KCNT2: variants seen among roughly 807,000 people sequenced by gnomAD.
KCNT2 encodes the protein potassium sodium-activated channel subfamily T member 2.
In KCNT2, 67 loss-of-function variants were observed where a neutral mutation model predicts 153.8. The observed-to-expected ratio is 0.44, with a 90% CI of 0.36 to 0.53. The LOEUF (loss-of-function observed/expected upper bound fraction) is 0.53, where lower values mean the gene tolerates loss of function less well. Ranked by LOEUF, KCNT2 falls within the 20% of genes least tolerant of loss-of-function variation. KCNT2 has a pLI of 0.00. For synonymous variants in KCNT2, 500 were observed against 458.8 expected (o/e 1.09, Z -1.15); for missense variants, 975 against 1,354.8 (o/e 0.72, Z 4.40).
intron 1 of KCNT2, among the ~76,000 whole-genome samples, chr1:196,542,222 G>A (rs1048103776): frequency 6.6e-6 from 1 of 152,080 alleles, no homozygotes; most frequent in African/African-American, 2.4e-5. Context: ...TTTCTAAAAT[G>A]AGCTTTTGTC....
In KCNT2 at chr1:196,320,976, CT is replaced by C. The variant is rs1036437372; in HGVS notation, c.2277-1422del. 1.2e-3 allele frequency among the ~76,000 whole-genome samples: 167 copies of C among 135,644 alleles called. 1 individual carries two copies. The highest frequency in any genetic ancestry group is 1.9e-3 in the Admixed American group (26 of 13,592). 89.0% of individuals were successfully genotyped at this position (135,644 alleles called of 152,430 possible). A position where few individuals can be genotyped will look rare whatever the true frequency, so the allele number is the denominator to read the frequency against. ...TCACATCTTCCGAAGACCTTATTTT[CT>C]TTTTTTTTTTTAAGCATTGATTTTT... is the stretch of plus-strand genomic sequence containing the variant. On this transcript the variant is annotated intron_variant, in intron 19 of 27. Transcript: ENST00000294725.
At chr1:196,248,685 C>T (rs1425702333) in intron 26 of KCNT2, among the ~76,000 whole-genome samples, 1 of 152,044 alleles carries the variant, frequency 6.6e-6, no homozygotes, top group African/African-American at 2.4e-5. Flanking sequence ...AGCCTCAGAC[C>T]CTTATGGCTA....
At chr1:196,307,065 CT>C (rs929108682) in intron 21 of KCNT2, among the ~76,000 whole-genome samples, 1 of 151,884 alleles carries the variant, frequency 6.6e-6, no homozygotes, top group Non-Finnish European at 1.5e-5. Flanking sequence ...CTTTTGCTGA[CT>C]TTTAATGTTA....
intron 1 of KCNT2, among the ~76,000 whole-genome samples, chr1:196,566,393 G>C (rs1660119203): frequency 6.6e-6 from 1 of 152,034 alleles, no homozygotes; most frequent in South Asian, 2.1e-4. Flanking sequence ...TGTCTTTTCA[G>C]TCATGAAGAA....
chr1:196,246,283 T>C (rs1415198490), intron 26 of KCNT2, among the ~76,000 whole-genome samples: 1 of 152,166 alleles, frequency 6.6e-6, no homozygotes, highest in Non-Finnish European at 1.5e-5. Flanking sequence ...ATTGAAAATA[T>C]TCTTTAAACA....
intron 1 of KCNT2, among the ~76,000 whole-genome samples, chr1:196,545,119 T>C (rs1423836604): frequency 1.3e-5 from 2 of 152,112 alleles, no homozygotes; most frequent in Non-Finnish European, 2.9e-5. Flanking sequence ...AATATATTTA[T>C]AGTTTCTTCA....
chr1:196,226,996 T>C lies in KCNT2; in HGVS notation c.*1228A>G, dbSNP rs777679714. 1.5e-4 allele frequency: 23 copies of C among 151,942 alleles called. No homozygotes were observed. Among genetic ancestry groups the C allele is most frequent in the Non-Finnish European group, 2.7e-4 (18 of 67,840 alleles). 9.4% of individuals were successfully genotyped at this position (151,942 alleles called of 1,614,324 possible). On this transcript the variant is annotated 3_prime_UTR_variant, in exon 28 of 28. Transcript: ENST00000294725. ...CTATTTCTCTAGGGGGAAAATGCAA[T>C]ACAGGTAAAAAATGAAAAACTGGAT...
At chr1:196,584,440 T>C (rs902335476) in intron 1 of KCNT2, among the ~76,000 whole-genome samples, 1 of 152,038 alleles carries the variant, frequency 6.6e-6, no homozygotes, top group Non-Finnish European at 1.5e-5. Flanking sequence ...TTGTTTCCTA[T>C]TCAAATTAAC....
At chr1:196,245,258 A>C (rs576356882) in intron 26 of KCNT2, among the ~76,000 whole-genome samples, 22 of 152,138 alleles carry the variant, frequency 1.4e-4, no homozygotes, top group African/African-American at 5.1e-4. Context: ...TGGGAAGCCG[A>C]GGTGGGAGGA....
intron 13 of KCNT2, among the ~76,000 whole-genome samples, chr1:196,387,784 T>G (rs1245129367): frequency 6.6e-6 from 1 of 151,948 alleles, no homozygotes; most frequent in Non-Finnish European, 1.5e-5. Context: ...AAAATTGAAT[T>G]GTAGGAGTTC....
At chr1:196,277,690 A>C (rs1658699702) in intron 25 of KCNT2, among the ~76,000 whole-genome samples, 1 of 152,160 alleles carries the variant, frequency 6.6e-6, no homozygotes, top group Non-Finnish European at 1.5e-5. Context: ...CTTTAAGTTC[A>C]AGTAAGAGAA....
intron 1 of KCNT2, among the ~76,000 whole-genome samples, chr1:196,527,100 G>A (rs1654329382): frequency 3.3e-5 from 5 of 152,132 alleles, no homozygotes; most frequent in Admixed American, 2.0e-4. Flanking sequence ...ACAGTTTCAT[G>A]CCAAAACTGT....
chr1:196,315,497 C>G (rs1404333067), intron 21 of KCNT2, among the ~76,000 whole-genome samples: 1 of 151,652 alleles, frequency 6.6e-6, no homozygotes, highest in African/African-American at 2.4e-5. Flanking sequence ...CTTACCTGTT[C>G]ACAGCTGTGC....
chr1:196,496,241 G>A (rs1052537222), intron 1 of KCNT2, among the ~76,000 whole-genome samples: 4 of 151,946 alleles, frequency 2.6e-5, no homozygotes, highest in East Asian at 1.9e-4. Context: ...AGGCCGAGGC[G>A]GGTGGATCAC....
intron 22 of KCNT2, among the ~76,000 whole-genome samples, chr1:196,292,269 T>C (rs1374654995): frequency 6.6e-6 from 1 of 152,132 alleles, no homozygotes; most frequent in Non-Finnish European, 1.5e-5. Flanking sequence ...AAATTCAACA[T>C]CCTTTTATGA....
At chr1:196,486,209 G>A (rs1376836695) in intron 3 of KCNT2, among the ~76,000 whole-genome samples, 2 of 151,856 alleles carry the variant, frequency 1.3e-5, no homozygotes, top group African/African-American at 4.8e-5. Flanking sequence ...TATTCTAGGT[G>A]TTGTGATCTC....
chr1:196,544,193 A>G (rs4658039), intron 1 of KCNT2, among the ~76,000 whole-genome samples: 63,389 of 151,958 alleles, frequency 0.42, 15,642 homozygotes, highest in Middle Eastern at 0.65. Flanking sequence ...TAAAATCACA[A>G]GAAAACTTGA....
At chr1:196,239,968 G>A (rs551075091) in intron 26 of KCNT2, among the ~76,000 whole-genome samples, 87 of 152,164 alleles carry the variant, frequency 5.7e-4, no homozygotes, top group Admixed American at 2.6e-3. Flanking sequence ...CCATCTGTCA[G>A]CAAACATGAG....
At chr1:196,460,426 G>C (rs1172592380) in intron 8 of KCNT2, among the ~76,000 whole-genome samples, 1 of 151,268 alleles carries the variant, frequency 6.6e-6, no homozygotes, top group Admixed American at 6.6e-5. Context: ...ACTTGATAAG[G>C]GTATTGTTAT....
Sources: gnomAD v4.1 joint callset for allele counts (sites outside exome capture counted in the v4.1 genomes callset) on GRCh38, gnomAD v4.1.1 for gene constraint, MANE v1.5 for transcripts, NCBI Gene and HGNC (gene_info 2026-07-23, HGNC 2026-07-21) for gene names.